Variants in AUTS2 observed in about 807,000 individuals in gnomAD.
The protein encoded by AUTS2 is activator of transcription and developmental regulator AUTS2.
Under a neutral mutation model 112.4 loss-of-function variants are expected in AUTS2, and 17 were observed. The ratio of observed to expected loss-of-function variants is 0.15; its 90% CI spans 0.10 to 0.23. The LOEUF is 0.23. Among genes scored for constraint, AUTS2 ranks in the 10% least tolerant of loss-of-function variants. The pLI, the probability that AUTS2 is intolerant of heterozygous loss-of-function variation, is 1.00. For missense variants in AUTS2, 1,510 were observed against 1,701.6 expected, an observed-to-expected ratio of 0.89 and a Z score of 1.98; for synonymous variants, 751 against 702.7, an observed-to-expected ratio of 1.07 and a Z score of -1.09.
chr7:70,069,699 G>GT (rs1184910800), intron 2 of AUTS2, among the ~76,000 whole-genome samples: 108 of 123,710 alleles, frequency 8.7e-4, no homozygotes, highest in Admixed American at 1.5e-3. Context: ...AAAGGCCATG[G>GT]TTTTTTTTGT....
chr7:69,824,693 G>A (rs1032442800), intron 1 of AUTS2: 1 of 152,058 alleles, frequency 6.6e-6, no homozygotes, highest in African/African-American at 2.4e-5. Flanking sequence ...TTTTGGTAAG[G>A]CCATGGAAAC....
At chr7:70,117,311 A>G (rs1386347068) in intron 2 of AUTS2, among the ~76,000 whole-genome samples, 1 of 152,004 alleles carries the variant, frequency 6.6e-6, no homozygotes, top group East Asian at 1.9e-4. Context: ...AATTAACAAG[A>G]TCATTAGGTG....
chr7:70,099,579 G>A (rs761004561), intron 2 of AUTS2, among the ~76,000 whole-genome samples: 3 of 151,872 alleles, frequency 2.0e-5, no homozygotes, highest in Admixed American at 6.6e-5. Context: ...AGGTTTCTGG[G>A]ACATAGGAAA....
At chr7:70,318,483 AAC>A (rs1405138262) in intron 4 of AUTS2, among the ~76,000 whole-genome samples, 4 of 152,176 alleles carry the variant, frequency 2.6e-5, no homozygotes, top group African/African-American at 9.7e-5. Context: ...CTACAAACCT[AAC>A]AGTTTTAAAA....
chr7:70,588,877 G>C (rs1286284905), intron 5 of AUTS2, among the ~76,000 whole-genome samples: 1 of 152,104 alleles, frequency 6.6e-6, no homozygotes, highest in Non-Finnish European at 1.5e-5. Flanking sequence ...CTTTGTTCTT[G>C]ATTCTCACAC....
intron 1 of AUTS2, among the ~76,000 whole-genome samples, chr7:69,864,779 A>T (rs752995747): frequency 1.3e-5 from 2 of 152,212 alleles, no homozygotes; most frequent in Non-Finnish European, 2.9e-5. Flanking sequence ...GTTGGCACTG[A>T]CACTGTGATT....
chr7:70,503,684 A>G (rs549211050), intron 5 of AUTS2, among the ~76,000 whole-genome samples: 1 of 151,648 alleles, frequency 6.6e-6, no homozygotes, highest in Non-Finnish European at 1.5e-5. Context: ...TGCCCTGCTA[A>G]TGTTTTAAAT....
intron 4 of AUTS2, among the ~76,000 whole-genome samples, chr7:70,140,579 G>T (rs1227122233): frequency 6.6e-6 from 1 of 152,108 alleles, no homozygotes; most frequent in Non-Finnish European, 1.5e-5. Flanking sequence ...GCTAGGAAAG[G>T]ATTTTGTAAT....
intron 4 of AUTS2, among the ~76,000 whole-genome samples, chr7:70,172,012 T>C (rs1808726219): frequency 6.6e-6 from 1 of 152,088 alleles, no homozygotes; most frequent in Non-Finnish European, 1.5e-5. Context: ...AGATTTCCCA[T>C]CTGCCCTGAG....
intron 1 of AUTS2, among the ~76,000 whole-genome samples, chr7:69,654,849 T>C (rs766518384): frequency 6.6e-6 from 1 of 152,194 alleles, no homozygotes; most frequent in Non-Finnish European, 1.5e-5. Context: ...GAAAAATGTT[T>C]AGAGGTGGGC....
chr7:70,026,035 C>T (rs1433456033), intron 2 of AUTS2, among the ~76,000 whole-genome samples: 1 of 152,126 alleles, frequency 6.6e-6, no homozygotes, highest in African/African-American at 2.4e-5. Flanking sequence ...TGATGGATTG[C>T]TTTGTTATCT....
intron 5 of AUTS2, among the ~76,000 whole-genome samples, chr7:70,659,503 G>A (rs969960858): frequency 6.6e-6 from 1 of 152,108 alleles, no homozygotes; most frequent in Non-Finnish European, 1.5e-5. Flanking sequence ...ATGTGACCCC[G>A]GGCATGTTAA....
At chr7:70,496,695 TAC>T (rs1265348871) in intron 5 of AUTS2, among the ~76,000 whole-genome samples, 1 of 67,058 alleles carries the variant, frequency 1.5e-5, no homozygotes, top group Non-Finnish European at 2.8e-5. Context: ...TCACACCACG[TAC>T]ACAGTCACAC....
At chr7:70,182,992 C>T (rs749891690) in intron 4 of AUTS2, among the ~76,000 whole-genome samples, 5 of 152,034 alleles carry the variant, frequency 3.3e-5, no homozygotes, top group Non-Finnish European at 7.4e-5. Flanking sequence ...AGGGGAAGCC[C>T]GAGTCCACTG....
chr7:69,611,632 A>G (rs921009713), intron 1 of AUTS2, among the ~76,000 whole-genome samples: 3 of 152,208 alleles, frequency 2.0e-5, no homozygotes, highest in Non-Finnish European at 2.9e-5. Context: ...TCTGTTGATC[A>G]TTTTTTAAAA....
At chr7:70,513,960 C>T (rs1799309968) in intron 5 of AUTS2, among the ~76,000 whole-genome samples, 1 of 152,032 alleles carries the variant, frequency 6.6e-6, no homozygotes, top group Admixed American at 6.6e-5. Flanking sequence ...GTGCCTGGCC[C>T]CTTTCTTTTA....
At chr7:70,571,757 G>A (rs1048979914) in intron 5 of AUTS2, among the ~76,000 whole-genome samples, 3 of 152,168 alleles carry the variant, frequency 2.0e-5, no homozygotes, top group Non-Finnish European at 4.4e-5. Context: ...AGGGGAGGAC[G>A]TGTCAGCCCT....
At chr7:70,549,308 G>T (rs905885955) in intron 5 of AUTS2, among the ~76,000 whole-genome samples, 18 of 152,044 alleles carry the variant, frequency 1.2e-4, no homozygotes, top group African/African-American at 4.3e-4. Context: ...ATGGCATCTT[G>T]GAATAGAGAC....
chr7:69,641,737 A>G (rs939053515), intron 1 of AUTS2, among the ~76,000 whole-genome samples: 4 of 152,224 alleles, frequency 2.6e-5, no homozygotes, highest in Admixed American at 2.0e-4. Flanking sequence ...TGCATCATGA[A>G]GTATTCTTTC....
Sources: allele counts gnomAD v4.1 joint callset (sites outside exome capture counted in the v4.1 genomes callset), GRCh38; gene constraint gnomAD v4.1.1; transcripts MANE v1.5; gene names NCBI Gene and HGNC (gene_info 2026-07-23, HGNC 2026-07-21).